SAMD12: variants seen among roughly 807,000 people sequenced by gnomAD.
SAMD12 encodes the protein sterile alpha motif domain containing 12.
In SAMD12, 9 loss-of-function variants were observed where a neutral mutation model predicts 15.0. That is an observed-to-expected ratio of 0.60 (90% CI 0.36 to 1.05). SAMD12 has a LOEUF of 1.05. SAMD12 is among the 50% of genes least tolerant of loss of function. The probability of loss-of-function intolerance (pLI) is 0.01; values close to 1 mark genes in which losing one functional copy is unlikely to be tolerated. For synonymous variants in SAMD12, 86 were observed against 90.1 expected (o/e 0.96, Z 0.25); for missense variants, 230 against 234.2 (o/e 0.98, Z 0.12).
At chr8:118,373,937 A>G (rs528868285), downstream of SAMD12, among the ~76,000 whole-genome samples, 7 of 152,196 alleles carry the variant, frequency 4.6e-5, no homozygotes, top group South Asian at 1.2e-3. Flanking sequence ...AAAAGCTTGC[A>G]TTTTTTTACT....
At chr8:118,298,596 G>C (rs1814852092) in intron 4 of SAMD12, among the ~76,000 whole-genome samples, 1 of 151,978 alleles carries the variant, frequency 6.6e-6, no homozygotes, top group Non-Finnish European at 1.5e-5. Flanking sequence ...ATACAATTTT[G>C]AATTGTTTAC....
chr8:118,246,748 A>T (rs1812706842), intron 4 of SAMD12, among the ~76,000 whole-genome samples: 2 of 152,144 alleles, frequency 1.3e-5, no homozygotes, highest in South Asian at 4.1e-4. Flanking sequence ...CAATTCTGGG[A>T]TACAGGGAAT....
chr8:118,165,937 C>T, the SAMD12 span, among the ~76,000 whole-genome samples: 1,538 of 152,150 alleles, frequency 0.01, 29 homozygotes, highest in Non-Finnish European at 0.01. Context: ...TTTTTTGTGG[C>T]ATCTTGGCTT....
At chr8:118,197,578 T>C (rs1056740983) in exon 5 of SAMD12, 3 of 847,388 alleles carry the variant, frequency 3.5e-6, no homozygotes, top group Non-Finnish European at 6.1e-6. Context: ...TGGGTGCTTT[T>C]TTCAGTTAAT....
At chr8:118,565,241 C>T (rs193038741) in intron 2 of SAMD12, among the ~76,000 whole-genome samples, 1 of 152,288 alleles carries the variant, frequency 6.6e-6, no homozygotes, top group East Asian at 1.9e-4. Context: ...GCATTGGACT[C>T]CTTTTACTAG....
At chr8:118,559,827 G>A (rs1826655518) in intron 2 of SAMD12, among the ~76,000 whole-genome samples, 1 of 152,154 alleles carries the variant, frequency 6.6e-6, no homozygotes, top group African/African-American at 2.4e-5. Context: ...CTAATGGGGT[G>A]TTGTAAAAAT....
chr8:118,270,982 G>A (rs928659081), intron 4 of SAMD12, among the ~76,000 whole-genome samples: 2 of 152,172 alleles, frequency 1.3e-5, no homozygotes, highest in African/African-American at 4.8e-5. Context: ...GGAGCTCCAA[G>A]TTTAAACCAA....
intron 4 of SAMD12, among the ~76,000 whole-genome samples, chr8:118,311,452 C>T (rs1815628163): frequency 6.6e-6 from 1 of 152,180 alleles, no homozygotes; most frequent in African/African-American, 2.4e-5. Flanking sequence ...AACTCTCTGG[C>T]CTACAAAGCA....
At chr8:118,504,832 A>G (rs1383136548) in intron 2 of SAMD12, among the ~76,000 whole-genome samples, 1 of 152,200 alleles carries the variant, frequency 6.6e-6, no homozygotes, top group Non-Finnish European at 1.5e-5. Flanking sequence ...TAGAAGAGGC[A>G]AGGGACAGAT....
At chr8:118,248,634 T>C (rs1812751022) in intron 4 of SAMD12, among the ~76,000 whole-genome samples, 1 of 151,816 alleles carries the variant, frequency 6.6e-6, no homozygotes, top group African/African-American at 2.4e-5. Flanking sequence ...TAGATGACTT[T>C]TTTTTTTATA....
chr8:118,407,030 C>G (rs991907755), intron 3 of SAMD12, among the ~76,000 whole-genome samples: 1 of 151,626 alleles, frequency 6.6e-6, no homozygotes, highest in Admixed American at 6.6e-5. Flanking sequence ...TCAGGAATTA[C>G]CACTAAAGAA....
chr8:118,460,380 A>G (rs1823379738), intron 2 of SAMD12, among the ~76,000 whole-genome samples: 1 of 152,196 alleles, frequency 6.6e-6, no homozygotes, highest in Admixed American at 6.5e-5. Context: ...CTGGGACACA[A>G]AGATGAAAAA....
chr8:118,422,426 T>C (rs73311785), intron 3 of SAMD12, among the ~76,000 whole-genome samples: 1 of 151,972 alleles, frequency 6.6e-6, no homozygotes, highest in South Asian at 2.1e-4. Flanking sequence ...CTTGGAGAGG[T>C]CCAGAGAGGG....
chr8:118,251,785 G>A (rs1439286210), intron 4 of SAMD12, among the ~76,000 whole-genome samples: 1 of 152,062 alleles, frequency 6.6e-6, no homozygotes, highest in Non-Finnish European at 1.5e-5. Flanking sequence ...CAAAGACCTT[G>A]TCTCTCACTG....
intron 4 of SAMD12, among the ~76,000 whole-genome samples, chr8:118,287,827 C>G (rs1181846804): frequency 6.6e-6 from 1 of 152,158 alleles, no homozygotes; most frequent in Non-Finnish European, 1.5e-5. Context: ...AGTGCATAGG[C>G]TCTTGAGAGC....
At chr8:118,138,151 C>A in the SAMD12 span, among the ~76,000 whole-genome samples, 1 of 152,172 alleles carries the variant, frequency 6.6e-6, no homozygotes, top group South Asian at 2.1e-4. Context: ...CAGCATGGAA[C>A]AGTGATAAGA....
intron 2 of SAMD12, among the ~76,000 whole-genome samples, chr8:118,575,599 C>A (rs555732777): frequency 6.6e-6 from 1 of 152,170 alleles, no homozygotes; most frequent in Admixed American, 6.5e-5. Flanking sequence ...GGTTTCTCAG[C>A]TGTAAAATGG....
chr8:118,389,664 G>A (rs1392678351), intron 3 of SAMD12, among the ~76,000 whole-genome samples: 6 of 151,648 alleles, frequency 4.0e-5, no homozygotes, highest in East Asian at 2.0e-4. Flanking sequence ...ATAGTGAGCC[G>A]AGATCATGCC....
chr8:118,283,563 A>G (rs1419826529), intron 4 of SAMD12, among the ~76,000 whole-genome samples: 4 of 152,216 alleles, frequency 2.6e-5, no homozygotes, highest in Non-Finnish European at 4.4e-5. Flanking sequence ...GAATCGGCAC[A>G]TAAGATGAAG....
Sources: allele counts gnomAD v4.1 joint callset (sites outside exome capture counted in the v4.1 genomes callset), GRCh38; gene constraint gnomAD v4.1.1; transcripts MANE v1.5; gene names NCBI Gene and HGNC (gene_info 2026-07-23, HGNC 2026-07-21).